The following PTPRD variants were observed in gnomAD, a reference collection of about 807,000 sequenced individuals.
PTPRD encodes the protein protein tyrosine phosphatase receptor type D.
A neutral mutation model predicts 214.5 loss-of-function variants in PTPRD; 34 were observed. The ratio of observed to expected loss-of-function variants is 0.16; its 90% CI spans 0.12 to 0.21. PTPRD has a LOEUF of 0.21. Ranked by LOEUF, PTPRD falls within the 10% of genes least tolerant of loss-of-function variation. PTPRD has a pLI of 1.00. For missense variants in PTPRD, 2,545 were observed against 2,398.7 expected (o/e 1.06, Z -1.27); for synonymous variants, 1,128 against 845.7 (o/e 1.33, Z -5.79).
intron 33 of PTPRD, among the ~76,000 whole-genome samples, chr9:8,455,549 T>A (rs1298142734): frequency 1.3e-5 from 2 of 152,170 alleles, no homozygotes; most frequent in South Asian, 2.1e-4. Flanking sequence ...GCCAATGAAA[T>A]ATATACCCAA....
chr9:8,419,540 C>A (rs1018739096), intron 35 of PTPRD, among the ~76,000 whole-genome samples: 1 of 151,884 alleles, frequency 6.6e-6, no homozygotes, highest in Admixed American at 6.6e-5. Context: ...CAAGATAGAG[C>A]CTCTTTTACC....
intron 11 of PTPRD, among the ~76,000 whole-genome samples, chr9:8,832,497 A>C (rs931817882): frequency 1.3e-5 from 2 of 151,740 alleles, no homozygotes; most frequent in Non-Finnish European, 2.9e-5. Context: ...TAAGAGAAAA[A>C]GTCAATTATG....
intron 12 of PTPRD, among the ~76,000 whole-genome samples, chr9:8,651,291 G>A (rs2154344671): frequency 6.6e-6 from 1 of 152,222 alleles, no homozygotes; most frequent in Admixed American, 6.5e-5. Context: ...CTATTTGGGG[G>A]TACAAAAGAT....
intron 9 of PTPRD, among the ~76,000 whole-genome samples, chr9:9,209,329 A>G (rs145442419): frequency 6.6e-6 from 1 of 152,324 alleles, no homozygotes; most frequent in East Asian, 1.9e-4. Context: ...AAAGAATAAG[A>G]AAGAAAAATT....
At chr9:9,111,252 C>CTTTT (rs35720054) in intron 10 of PTPRD, among the ~76,000 whole-genome samples, 29 of 132,818 alleles carry the variant, frequency 2.2e-4, no homozygotes, top group African/African-American at 7.0e-4. Flanking sequence ...GTGGAAATAC[C>CTTTT]TTTTTTTTTT....
At chr9:9,912,596 A>G (rs1246375623) in intron 5 of PTPRD, among the ~76,000 whole-genome samples, 1 of 152,198 alleles carries the variant, frequency 6.6e-6, no homozygotes, top group Non-Finnish European at 1.5e-5. Context: ...ATTAAATGGT[A>G]TCGTTGGCAA....
chr9:8,758,787 T>C (rs1338956367), intron 11 of PTPRD, among the ~76,000 whole-genome samples: 1 of 151,500 alleles, frequency 6.6e-6, no homozygotes, highest in African/African-American at 2.4e-5. Context: ...AGATGGAGTC[T>C]CGCTCTGTCA....
intron 10 of PTPRD, among the ~76,000 whole-genome samples, chr9:9,174,567 A>C (rs1020451981): frequency 6.6e-6 from 1 of 152,276 alleles, no homozygotes; most frequent in East Asian, 1.9e-4. Flanking sequence ...CATAAATGCT[A>C]TCTCAGCATT....
intron 2 of PTPRD, among the ~76,000 whole-genome samples, chr9:10,601,368 G>A (rs1037265909): frequency 2.6e-5 from 4 of 151,554 alleles, no homozygotes; most frequent in Non-Finnish European, 4.4e-5. Flanking sequence ...GGCCCCTACT[G>A]TGCTAAATGT....
intron 5 of PTPRD, among the ~76,000 whole-genome samples, chr9:9,857,404 C>T (rs2061755629): frequency 1.3e-5 from 2 of 152,108 alleles, no homozygotes; most frequent in African/African-American, 2.4e-5. Context: ...AAGTTAAATG[C>T]TTCCTGAATA....
intron 9 of PTPRD, among the ~76,000 whole-genome samples, chr9:9,323,660 T>C (rs1425927159): frequency 6.6e-6 from 1 of 152,128 alleles, no homozygotes; most frequent in East Asian, 1.9e-4. Context: ...ATCATCTGAT[T>C]TCTCTTAGGC....
intron 5 of PTPRD, among the ~76,000 whole-genome samples, chr9:9,767,472 T>A (rs2098716241): frequency 6.6e-6 from 1 of 152,028 alleles, no homozygotes; most frequent in African/African-American, 2.4e-5. Context: ...AGCACCAAAT[T>A]TCTATTATTT....
At chr9:8,369,094 A>G (rs1366094690) in intron 39 of PTPRD, among the ~76,000 whole-genome samples, 2 of 152,138 alleles carry the variant, frequency 1.3e-5, no homozygotes, top group Non-Finnish European at 2.9e-5. Flanking sequence ...AGCATCTCAA[A>G]ACTATCACAT....
chr9:9,434,072 G>A (rs938609154), intron 8 of PTPRD, among the ~76,000 whole-genome samples: 1 of 152,154 alleles, frequency 6.6e-6, no homozygotes, highest in African/African-American at 2.4e-5. Context: ...TCAGTCTGCG[G>A]TTTTGCATAT....
intron 2 of PTPRD, among the ~76,000 whole-genome samples, chr9:10,402,683 G>T (rs1008498453): frequency 6.6e-6 from 1 of 151,636 alleles, no homozygotes; most frequent in Non-Finnish European, 1.5e-5. Context: ...TACCTTAGTT[G>T]TTAGCTTGAC....
chr9:9,441,050 T>C (rs776437924), intron 8 of PTPRD, among the ~76,000 whole-genome samples: 9 of 152,136 alleles, frequency 5.9e-5, no homozygotes, highest in Non-Finnish European at 1.0e-4. Context: ...TGGGCCAAAA[T>C]GGCTGGGTCT....
intron 3 of PTPRD, among the ~76,000 whole-genome samples, chr9:10,327,609 A>G (rs940900351): frequency 1.3e-5 from 2 of 151,760 alleles, no homozygotes; most frequent in Non-Finnish European, 2.9e-5. Flanking sequence ...TAAATTAAAT[A>G]TATATTAAAA....
chr9:8,565,841 CA>C (rs2088821257), intron 14 of PTPRD, among the ~76,000 whole-genome samples: 1 of 152,042 alleles, frequency 6.6e-6, no homozygotes, highest in African/African-American at 2.4e-5. Flanking sequence ...GCATTAATAG[CA>C]AAAGCATACC....
intron 3 of PTPRD, among the ~76,000 whole-genome samples, chr9:10,246,939 A>G (rs2154366536): frequency 6.6e-6 from 1 of 151,844 alleles, no homozygotes; most frequent in South Asian, 2.1e-4. Context: ...AATAAATAAT[A>G]AAACAAATAA....
Sources: gnomAD v4.1 joint callset for allele counts (sites outside exome capture counted in the v4.1 genomes callset) on GRCh38, gnomAD v4.1.1 for gene constraint, MANE v1.5 for transcripts, NCBI Gene and HGNC (gene_info 2026-07-23, HGNC 2026-07-21) for gene names.